Variants in SEC62 observed in about 807,000 individuals in gnomAD.
SEC62 encodes SEC62 preprotein translocation factor, also known as translocation protein SEC62.
SEC62 carries 10 observed loss-of-function variants against 47.5 expected under a neutral mutation model. The observed-to-expected ratio is 0.21, with a 90% CI of 0.13 to 0.36. The LOEUF (loss-of-function observed/expected upper bound fraction) is 0.36, where lower values mean the gene tolerates loss of function less well. Among genes scored for constraint, SEC62 ranks in the 10% least tolerant of loss-of-function variants. The pLI, the probability that SEC62 is intolerant of heterozygous loss-of-function variation, is 1.00. For synonymous variants in SEC62, 136 were observed against 150.5 expected (o/e 0.90, Z 0.71); for missense variants, 327 against 464.1 (o/e 0.70, Z 2.71).
rs1191608220 is a variant in SEC62 at position 169,996,731 on chromosome 3, C to T, written c.*3668C>T. On this transcript the variant is annotated 3_prime_UTR_variant, in exon 8 of 8. Transcript: ENST00000337002. ...AAGGTCACTTCTCCCAAACTCCTTC[C>T]CTGCTTTCCAGGTTGCCAGTCCCTG... 3 of 152,342 alleles carry T rather than the reference C, an allele frequency of 2.0e-5. No individual in the cohort carries two copies. The highest frequency in any genetic ancestry group is 2.9e-5 in the Non-Finnish European group (2 of 68,170). 9.4% of individuals were successfully genotyped at this position (152,342 alleles called of 1,614,324 possible).
chr3:169,978,499 G>A (rs1576858559), intron 3 of SEC62: 1 of 152,144 alleles, frequency 6.6e-6, no homozygotes, highest in East Asian at 1.9e-4. Flanking sequence ...ACCAAGGCAG[G>A]GAGATCACAT....
chr3:169,975,326 T>C (rs1189601052), intron 1 of SEC62: 1 of 253,166 alleles, frequency 3.9e-6, no homozygotes, highest in African/African-American at 2.3e-5. Context: ...AGTGAACTGG[T>C]ACAAAGTAGT....
At chr3:169,967,700 C>A (rs979002305) in intron 1 of SEC62, among the ~76,000 whole-genome samples, 1 of 152,138 alleles carries the variant, frequency 6.6e-6, no homozygotes, top group Non-Finnish European at 1.5e-5. Flanking sequence ...ACATCTTGGA[C>A]TCAGGATATT....
chr3:169,988,380 A>G (rs1715157862), intron 7 of SEC62, 21 bp downstream of exon 7: 1 of 1,612,756 alleles, frequency 6.2e-7, no homozygotes, highest in Non-Finnish European at 8.5e-7. Flanking sequence ...TTATTATAAA[A>G]TTGACCTCAA....
rs1336138309 is a variant in SEC62, at chr3:169,966,836, G to A, written c.14G>A (p.Arg5Lys). The A allele has an allele frequency of 1.9e-6, 3 of 1,555,598 alleles. No homozygotes were observed. The highest frequency in any genetic ancestry group is 2.4e-5 in the East Asian group (1 of 41,242). ...GGAGCGGCCAACATGGCGGAACGCA[G>A]GAGACACAAGAAGCGGATCCAGGTA... Reference protein sequence around the residue: MAERRRHKKRIQEVG... With the variant: MAERKRHKKRIQEVG... Residue 5 changes from arginine (R) to lysine (K), a missense_variant, in exon 1 of 8, where the codon AGG becomes AAG. Arg to Lys is a conservative substitution (Grantham distance 26). Transcript: ENST00000337002.
At chr3:169,985,454 C>G (rs1421206386) in intron 5 of SEC62, 1 of 158,620 alleles carries the variant, frequency 6.3e-6, no homozygotes, top group African/African-American at 2.4e-5. Flanking sequence ...GTTGGCCAGG[C>G]TTGTCTTGAA....
At position 169,997,074 on chromosome 3, in the gene SEC62, G is replaced by C. The variant is rs1715394696; in HGVS notation, c.*4011G>C. 1 of 152,208 alleles carries C rather than the reference G, an allele frequency of 6.6e-6. No individual in the cohort carries two copies. The highest frequency in any genetic ancestry group is 1.5e-5 in the Non-Finnish European group (1 of 68,042). 9.4% of individuals were successfully genotyped at this position (152,208 alleles called of 1,614,324 possible). On this transcript the variant is annotated 3_prime_UTR_variant, in exon 8 of 8. Transcript: ENST00000337002. ...ATCCTGTTCTAGTGAATGTCATGCA[G>C]ATAACTACACAAGGAGATTAATTTA...
chr3:169,988,444 G>GA (rs1231362793), intron 7 of SEC62, 85 bp downstream of exon 7: 2 of 1,433,104 alleles, frequency 1.4e-6, no homozygotes, highest in African/African-American at 1.4e-5. Context: ...TAAAGCTTAA[G>GA]AAAAATTAAT....
intron 7 of SEC62, among the ~76,000 whole-genome samples, chr3:169,989,888 A>C (rs912981770): frequency 6.7e-6 from 1 of 150,312 alleles, no homozygotes; most frequent in Admixed American, 6.6e-5. Flanking sequence ...ACTTTCAAAT[A>C]ATTAGATATT....
At chr3:169,967,598 T>C (rs1714567510) in intron 1 of SEC62, among the ~76,000 whole-genome samples, 1 of 152,066 alleles carries the variant, frequency 6.6e-6, no homozygotes, top group African/African-American at 2.4e-5. Flanking sequence ...ACATAACATC[T>C]CCCCCTAATT....
rs917470567 is a variant in SEC62 at position 169,982,671 on chromosome 3, A to T, written c.252-36A>T. 6.3e-6 allele frequency: 10 copies of T among 1,598,202 alleles called. No homozygotes were observed. The Admixed American group carries it at 1.5e-4, about 24-fold the overall frequency. On this transcript the variant is annotated intron_variant, in intron 3 of 7. Transcript: ENST00000337002. ...TTTTTGCTTTTCAGTCTCTATCTAT[A>T]TGGGGAGTGTAATGCCATACCTGTT...
intron 1 of SEC62, among the ~76,000 whole-genome samples, chr3:169,973,888 G>A (rs892252257): frequency 9.9e-5 from 15 of 152,074 alleles, no homozygotes; most frequent in Non-Finnish European, 1.9e-4. Context: ...GAGGACTTGC[G>A]AAATACAAAG....
intron 1 of SEC62, among the ~76,000 whole-genome samples, chr3:169,968,843 TG>T (rs973028130): frequency 2.0e-5 from 3 of 152,216 alleles, no homozygotes; most frequent in Non-Finnish European, 4.4e-5. Context: ...CTGGGCATAC[TG>T]CAAAATTAAG....
At position 169,997,109 on chromosome 3, in the gene SEC62, T is replaced by C. The variant is rs1158537297; in HGVS notation, c.*4046T>C. 6 of 152,250 alleles carry C rather than the reference T, an allele frequency of 3.9e-5. No individual in the cohort carries two copies. Among genetic ancestry groups the C allele is most frequent in the African/African-American group, 9.6e-5 (4 of 41,462 alleles). 9.4% of individuals were successfully genotyped at this position (152,250 alleles called of 1,614,324 possible). On this transcript the variant is annotated 3_prime_UTR_variant, in exon 8 of 8. Coordinates refer to ENST00000337002, the MANE Select transcript of SEC62 (RefSeq NM_003262.4). ...CAAGGAGATTAATTTAAATTTGCCTTCTTTGGCAAGCCCTTAAACCAATGG... is the reference window on the plus strand; with the variant it reads ...CAAGGAGATTAATTTAAATTTGCCTCCTTTGGCAAGCCCTTAAACCAATGG...
intron 3 of SEC62, among the ~76,000 whole-genome samples, chr3:169,979,833 A>T (rs1468114941): frequency 6.6e-6 from 1 of 152,304 alleles, no homozygotes; most frequent in East Asian, 1.9e-4. Flanking sequence ...CTGCCAGCTA[A>T]ATCTGAAAAC....
chr3:169,991,887 T>C (rs1181406022), intron 7 of SEC62, among the ~76,000 whole-genome samples: 1 of 152,220 alleles, frequency 6.6e-6, no homozygotes, highest in Non-Finnish European at 1.5e-5. Context: ...TGTATATACA[T>C]GTATGTAATA....
intron 1 of SEC62, among the ~76,000 whole-genome samples, chr3:169,974,074 C>T (rs1476301607): frequency 2.0e-5 from 3 of 152,178 alleles, no homozygotes; most frequent in African/African-American, 7.2e-5. Flanking sequence ...TTTGGAAAAA[C>T]CCAACATAGA....
chr3:169,982,065 G>A (rs1714987421), intron 3 of SEC62, among the ~76,000 whole-genome samples: 1 of 152,142 alleles, frequency 6.6e-6, no homozygotes, highest in Admixed American at 6.5e-5. Context: ...TCTATTTAGA[G>A]AGAAATTAGT....
intron 4 of SEC62, 115 bp from the exon 5 acceptor site, chr3:169,983,046 G>A (rs1482295564): frequency 1.4e-6 from 2 of 1,471,220 alleles, no homozygotes; most frequent in Non-Finnish European, 1.8e-6. Flanking sequence ...AAATACCGTG[G>A]TTGAGAATTT....
Sources: gnomAD v4.1 joint callset for allele counts (sites outside exome capture counted in the v4.1 genomes callset) on GRCh38, gnomAD v4.1.1 for gene constraint, MANE v1.5 for transcripts, NCBI Gene and HGNC (gene_info 2026-07-23, HGNC 2026-07-21) for gene names.